Variants in HIPK2 observed in about 807,000 individuals in gnomAD.
HIPK2 encodes homeodomain interacting protein kinase 2.
Under a neutral mutation model 113.7 loss-of-function variants are expected in HIPK2, and 27 were observed. That is an observed-to-expected ratio of 0.24 (90% CI 0.17 to 0.33). The LOEUF (loss-of-function observed/expected upper bound fraction) is 0.33. Among genes scored for constraint, HIPK2 ranks in the 10% least tolerant of loss-of-function variants. HIPK2 has a pLI of 1.00. For missense variants in HIPK2, 1,257 were observed against 1,588.0 expected, an observed-to-expected ratio of 0.79 and a Z score of 3.54; for synonymous variants, 631 against 642.2, an observed-to-expected ratio of 0.98 and a Z score of 0.26.
chr7:139,708,146 C>T (rs942509136), intron 2 of HIPK2, among the ~76,000 whole-genome samples: 5 of 152,244 alleles, frequency 3.3e-5, no homozygotes, highest in Admixed American at 2.6e-4. Flanking sequence ...GTCTACACTA[C>T]ACCCTGGTGG....
At chr7:139,593,103 G>C (rs1193213111) in intron 12 of HIPK2, among the ~76,000 whole-genome samples, 1 of 152,210 alleles carries the variant, frequency 6.6e-6, no homozygotes, top group Non-Finnish European at 1.5e-5. Flanking sequence ...GAGCAGGATA[G>C]AATCTGTATT....
chr7:139,622,471 A>G lies in HIPK2; in HGVS notation c.1620-1908T>C, dbSNP rs372798027. ...TTGGTTTCGTGACAATTCAACACAA[A>G]ATTTCCATACCCCTTCAGAATTTTC... On this transcript the variant is annotated intron_variant, in intron 6 of 14. Coordinates refer to ENST00000406875, the MANE Select transcript of HIPK2 (RefSeq NM_022740.5). Among the ~76,000 whole-genome samples the G allele has an allele frequency of 9.2e-5, 14 of 152,294 alleles. No individual in the cohort carries two copies. The South Asian group carries it at 2.9e-3, about 32-fold the overall frequency.
At chr7:139,750,896 G>A (rs892975631) in intron 1 of HIPK2, among the ~76,000 whole-genome samples, 3 of 152,168 alleles carry the variant, frequency 2.0e-5, no homozygotes, top group Non-Finnish European at 4.4e-5. Context: ...AAGAATGACC[G>A]CAGCGACCAC....
At chr7:139,638,770 G>A (rs1800902581) in intron 2 of HIPK2, among the ~76,000 whole-genome samples, 1 of 149,672 alleles carries the variant, frequency 6.7e-6, no homozygotes, top group Non-Finnish European at 1.5e-5. Context: ...CCATTCTCCT[G>A]CCTCAGCCTC....
At chr7:139,660,327 T>G (rs1801824814) in intron 2 of HIPK2, among the ~76,000 whole-genome samples, 1 of 152,220 alleles carries the variant, frequency 6.6e-6, no homozygotes, top group Admixed American at 6.5e-5. Context: ...AATTAGAGCC[T>G]CAACCAAACT....
chr7:139,743,542 G>T (rs948256919), intron 1 of HIPK2, among the ~76,000 whole-genome samples: 2 of 152,186 alleles, frequency 1.3e-5, no homozygotes, highest in Non-Finnish European at 2.9e-5. Flanking sequence ...CAGGACAGAG[G>T]ACTCCATGCA....
chr7:139,615,361 T>C (rs62491682), intron 7 of HIPK2, among the ~76,000 whole-genome samples: 2 of 152,240 alleles, frequency 1.3e-5, no homozygotes, highest in Admixed American at 6.5e-5. Flanking sequence ...TGACAAAGCC[T>C]GGCAGATAGA....
At chr7:139,681,614 C>A (rs1802702480) in intron 2 of HIPK2, among the ~76,000 whole-genome samples, 1 of 152,116 alleles carries the variant, frequency 6.6e-6, no homozygotes, top group African/African-American at 2.4e-5. Flanking sequence ...TCCTTTCCTG[C>A]AATTCCAAAT....
chr7:139,768,009 C>A (rs543464330), intron 1 of HIPK2, among the ~76,000 whole-genome samples: 2 of 152,372 alleles, frequency 1.3e-5, no homozygotes, highest in African/African-American at 4.8e-5. Context: ...AGGCTTCATG[C>A]CTGCTTCCAG....
intron 2 of HIPK2, among the ~76,000 whole-genome samples, chr7:139,692,596 A>G (rs1214997838): frequency 6.6e-6 from 1 of 152,258 alleles, no homozygotes; most frequent in Non-Finnish European, 1.5e-5. Flanking sequence ...GTTAGATCCC[A>G]CATGATAGTA....
At chr7:139,747,413 C>T (rs145428117) in intron 1 of HIPK2, among the ~76,000 whole-genome samples, 4 of 152,118 alleles carry the variant, frequency 2.6e-5, no homozygotes, top group East Asian at 3.8e-4. Context: ...CATCAAGGGC[C>T]GGCACTTGAA....
At chr7:139,759,526 C>A (rs1048400501) in intron 1 of HIPK2, among the ~76,000 whole-genome samples, 2 of 152,304 alleles carry the variant, frequency 1.3e-5, no homozygotes, top group Non-Finnish European at 1.5e-5. Flanking sequence ...GAGGATTAGA[C>A]ACAATCCAAG....
intron 2 of HIPK2, among the ~76,000 whole-genome samples, chr7:139,694,292 G>A (rs28571622): frequency 0.074 from 11,271 of 152,174 alleles, 641 homozygotes; most frequent in African/African-American, 0.16. Context: ...GTCCTTACAC[G>A]CTCCACAAGA....
At chr7:139,761,059 A>C (rs1796454215) in intron 1 of HIPK2, among the ~76,000 whole-genome samples, 1 of 152,224 alleles carries the variant, frequency 6.6e-6, no homozygotes, top group South Asian at 2.1e-4. Context: ...ACAGAAAAAA[A>C]CCACGTGTTA....
At chr7:139,710,580 C>A (rs1015923275) in intron 2 of HIPK2, among the ~76,000 whole-genome samples, 5 of 152,220 alleles carry the variant, frequency 3.3e-5, no homozygotes, top group Non-Finnish European at 5.9e-5. Context: ...ACTGTGAACT[C>A]TGCAAGATTA....
intron 1 of HIPK2, among the ~76,000 whole-genome samples, chr7:139,724,889 A>G (rs2116997060): frequency 6.6e-6 from 1 of 152,260 alleles, no homozygotes; most frequent in South Asian, 2.1e-4. Flanking sequence ...AATGTCCAAC[A>G]ATGATAGACT....
intron 2 of HIPK2, among the ~76,000 whole-genome samples, chr7:139,637,292 T>G (rs1006018079): frequency 6.6e-6 from 1 of 152,176 alleles, no homozygotes; most frequent in African/African-American, 2.4e-5. Context: ...CCACTGGACT[T>G]GGAATGAAAT....
intron 1 of HIPK2, among the ~76,000 whole-genome samples, chr7:139,742,113 TA>T (rs750141986): frequency 1.3e-5 from 2 of 152,234 alleles, no homozygotes; most frequent in Non-Finnish European, 2.9e-5. Flanking sequence ...ACAACATCTT[TA>T]AAAGTCATAA....
At chr7:139,659,533 A>G (rs1801795683) in intron 2 of HIPK2, among the ~76,000 whole-genome samples, 1 of 152,186 alleles carries the variant, frequency 6.6e-6, no homozygotes, top group Non-Finnish European at 1.5e-5. Context: ...TGCTTGGGCT[A>G]TTAGTGTCCC....
Sources: allele counts gnomAD v4.1 joint callset (sites outside exome capture counted in the v4.1 genomes callset), GRCh38; gene constraint gnomAD v4.1.1; transcripts MANE v1.5; gene names NCBI Gene and HGNC (gene_info 2026-07-23, HGNC 2026-07-21).